SORCS3: variants seen among roughly 807,000 people sequenced by gnomAD.
The protein encoded by SORCS3 is sortilin related VPS10 domain containing receptor 3, also known as VPS10 domain-containing receptor SorCS3.
In SORCS3, 57 loss-of-function variants were observed where a neutral mutation model predicts 146.3. The observed-to-expected ratio is 0.39, with a 90% confidence interval of 0.31 to 0.49. SORCS3 has a LOEUF of 0.49. Ranked by LOEUF, SORCS3 falls within the 20% of genes least tolerant of loss-of-function variation. SORCS3 has a pLI of 0.92. For missense variants in SORCS3, 1,341 were observed against 1,575.5 expected, an observed-to-expected ratio of 0.85 and a Z score of 2.52; for synonymous variants, 653 against 618.5, an observed-to-expected ratio of 1.06 and a Z score of -0.83.
chr10:104,648,536 A>T (rs967173782), intron 1 of SORCS3, among the ~76,000 whole-genome samples: 6 of 152,156 alleles, frequency 3.9e-5, no homozygotes, highest in African/African-American at 1.4e-4. Context: ...GCCATACTCT[A>T]TAGTCAACCT....
At chr10:104,869,131 A>C (rs2018490068) in intron 2 of SORCS3, among the ~76,000 whole-genome samples, 1 of 152,056 alleles carries the variant, frequency 6.6e-6, no homozygotes. Context: ...AATATGATGG[A>C]TATGTGTGTA....
chr10:104,695,942 T>TA (rs2016170208), intron 1 of SORCS3, among the ~76,000 whole-genome samples: 1 of 145,220 alleles, frequency 6.9e-6, no homozygotes, highest in Non-Finnish European at 1.5e-5. Flanking sequence ...GATGTATATA[T>TA]ATAATATATA....
intron 5 of SORCS3, among the ~76,000 whole-genome samples, chr10:105,070,679 G>A (rs978688326): frequency 1.3e-5 from 2 of 152,196 alleles, no homozygotes; most frequent in African/African-American, 2.4e-5. Flanking sequence ...TCTCAGCAAA[G>A]CTGACAAGAT....
chr10:104,960,597 C>A (rs2054788468), intron 3 of SORCS3, among the ~76,000 whole-genome samples: 1 of 152,104 alleles, frequency 6.6e-6, no homozygotes, highest in Non-Finnish European at 1.5e-5. Flanking sequence ...ATCCATTAAC[C>A]ATTTAATCCA....
chr10:105,146,352 C>T (rs944364581), intron 8 of SORCS3, among the ~76,000 whole-genome samples: 7 of 151,820 alleles, frequency 4.6e-5, no homozygotes, highest in African/African-American at 1.5e-4. Flanking sequence ...CAGAGCAAGA[C>T]CCTGTCTTTA....
chr10:105,058,046 T>C (rs1028609512), intron 5 of SORCS3, among the ~76,000 whole-genome samples: 4 of 152,158 alleles, frequency 2.6e-5, no homozygotes, highest in Non-Finnish European at 5.9e-5. Context: ...ATTCCGACAT[T>C]CTCCAACCTT....
intron 22 of SORCS3, among the ~76,000 whole-genome samples, chr10:105,251,914 G>T (rs2056901272): frequency 1.3e-5 from 2 of 152,040 alleles, no homozygotes; most frequent in South Asian, 4.1e-4. Context: ...TTATAGAGTT[G>T]TAACCAAAGA....
chr10:104,840,918 G>T (rs538562401), intron 1 of SORCS3, among the ~76,000 whole-genome samples: 1 of 122,818 alleles, frequency 8.1e-6, no homozygotes, highest in Admixed American at 8.4e-5. Flanking sequence ...TAGTAGATCA[G>T]TTTTGAGCTT....
At chr10:104,734,196 T>C (rs1190002911) in intron 1 of SORCS3, among the ~76,000 whole-genome samples, 1 of 152,222 alleles carries the variant, frequency 6.6e-6, no homozygotes, top group African/African-American at 2.4e-5. Flanking sequence ...TAGAAATATA[T>C]CCCATTACCT....
At position 104,671,776 on chromosome 10, in the gene SORCS3, G is replaced by A. The variant is rs141982155; in HGVS notation, c.627+29822G>A. Among the ~76,000 whole-genome samples the A allele has an allele frequency of 9.3e-3, 1,421 of 152,092 alleles. 15 individuals are homozygous for A. Among genetic ancestry groups the A allele is most frequent in the Non-Finnish European group, 0.015 (999 of 67,986 alleles). On this transcript the variant is annotated intron_variant, in intron 1 of 26. Transcript: ENST00000369701. ...TTTCATTCTGTTAATGTGGTATACTGGTCAATTTTCATAAGTTGAACCATC... is the reference window on the plus strand; with the variant it reads ...TTTCATTCTGTTAATGTGGTATACTAGTCAATTTTCATAAGTTGAACCATC...
chr10:104,796,889 A>G (rs2017562893), intron 1 of SORCS3, among the ~76,000 whole-genome samples: 2 of 152,204 alleles, frequency 1.3e-5, no homozygotes, highest in Admixed American at 6.5e-5. Context: ...CAGACTATTT[A>G]CTATTCTTGT....
rs1177196665 is a variant in SORCS3, at chr10:104,641,482, G to A, written c.155G>A (p.Arg52Gln). 5 of 1,467,022 alleles carry A rather than the reference G, an allele frequency of 3.4e-6. No homozygotes were observed. The highest frequency in any genetic ancestry group is 4.5e-6 in the Non-Finnish European group (5 of 1,116,872). The allele number at this position is 1,467,022 out of a possible 1,614,324, so 90.9% of individuals were successfully genotyped here. ...GGACGCCCGGCGGCCCCGGCTTCGC[G>A]GCCACCGGCGTTGTCTCCACTCTCG... ...GPGRPAAPAS[R>Q]PPALSPLSPR... The change falls in exon 1 of 27, where the codon CGG (arginine) becomes CAG (glutamine). Residue 52 changes from arginine (R) to glutamine (Q), a missense_variant. Coordinates refer to ENST00000369701, the MANE Select transcript of SORCS3 (RefSeq NM_014978.3). The surrounding 1 kb of genome is among the most constrained non-coding windows in gnomAD (Gnocchi z 6.4).
intron 5 of SORCS3, among the ~76,000 whole-genome samples, chr10:105,063,322 G>T (rs1391062992): frequency 1.3e-5 from 2 of 152,074 alleles, no homozygotes; most frequent in African/African-American, 2.4e-5. Context: ...CTGGACAATT[G>T]GAGTTAAAAC....
chr10:105,184,436 C>G (rs2056462606), intron 14 of SORCS3, among the ~76,000 whole-genome samples: 1 of 152,194 alleles, frequency 6.6e-6, no homozygotes, highest in Non-Finnish European at 1.5e-5. Flanking sequence ...GCTGGCCAGA[C>G]ATGGCCCGTG....
At chr10:104,919,288 C>A (rs1005819732) in intron 3 of SORCS3, among the ~76,000 whole-genome samples, 1 of 152,186 alleles carries the variant, frequency 6.6e-6, no homozygotes, top group African/African-American at 2.4e-5. Flanking sequence ...CTGGGAGGCA[C>A]TGCCACCCAG....
chr10:104,777,913 G>A (rs552596070), intron 1 of SORCS3, among the ~76,000 whole-genome samples: 3 of 152,130 alleles, frequency 2.0e-5, no homozygotes, highest in Non-Finnish European at 2.9e-5. Flanking sequence ...TTACTGGGGT[G>A]AGATTATATC....
At chr10:105,095,936 T>A (rs2055742835) in intron 6 of SORCS3, among the ~76,000 whole-genome samples, 1 of 152,154 alleles carries the variant, frequency 6.6e-6, no homozygotes, top group Non-Finnish European at 1.5e-5. Flanking sequence ...TCTATGTAGT[T>A]CCCAGAGTAA....
chr10:104,879,527 C>T (rs1479481930), intron 2 of SORCS3, among the ~76,000 whole-genome samples: 2 of 152,146 alleles, frequency 1.3e-5, no homozygotes, highest in Non-Finnish European at 2.9e-5. Flanking sequence ...GTCCCTTTTG[C>T]AAGAGCATAT....
At chr10:104,876,486 C>T (rs1357072792) in intron 2 of SORCS3, among the ~76,000 whole-genome samples, 1 of 152,154 alleles carries the variant, frequency 6.6e-6, no homozygotes, top group Non-Finnish European at 1.5e-5. Flanking sequence ...ATATCAAAGA[C>T]CCAGAAAAGC....
Sources: allele counts gnomAD v4.1 joint callset (sites outside exome capture counted in the v4.1 genomes callset), GRCh38; gene constraint gnomAD v4.1.1; non-coding constraint Gnocchi (gnomAD v3.1); transcripts MANE v1.5; gene names NCBI Gene and HGNC (gene_info 2026-07-23, HGNC 2026-07-21).